DPP6: variants seen among roughly 807,000 people sequenced by gnomAD.
DPP6 encodes the protein dipeptidyl peptidase like 6.
In DPP6, 69 loss-of-function variants were observed where a neutral mutation model predicts 122.6. That is an observed-to-expected ratio of 0.56 (90% confidence interval 0.46 to 0.69). DPP6 has a LOEUF of 0.69. Ranked by LOEUF, DPP6 falls within the 30% of genes least tolerant of loss-of-function variation. The pLI, the probability that DPP6 is intolerant of heterozygous loss-of-function variation, is 0.00. For missense variants in DPP6, 928 were observed against 1,116.9 expected, an observed-to-expected ratio of 0.83 and a Z score of 2.41; for synonymous variants, 418 against 433.1, an observed-to-expected ratio of 0.97 and a Z score of 0.43.
chr7:153,810,949 C>T, the DPP6 span, among the ~76,000 whole-genome samples: 3 of 152,110 alleles, frequency 2.0e-5, no homozygotes, highest in African/African-American at 4.8e-5. Flanking sequence ...TCTATTAGTG[C>T]ATAGTTTAAA....
At chr7:154,090,964 CA>C (rs1194145271) in intron 1 of DPP6, among the ~76,000 whole-genome samples, 11 of 149,520 alleles carry the variant, frequency 7.4e-5, no homozygotes, top group East Asian at 2.0e-4. Flanking sequence ...ACTAAAAATA[CA>C]AAAAAATTAG....
At chr7:154,337,563 A>G (rs1450691821) in intron 1 of DPP6, among the ~76,000 whole-genome samples, 1 of 152,192 alleles carries the variant, frequency 6.6e-6, no homozygotes, top group African/African-American at 2.4e-5. Flanking sequence ...CTATCCTTGC[A>G]CCATCTGTCA....
intron 1 of DPP6, among the ~76,000 whole-genome samples, chr7:154,439,168 T>G (rs756584221): frequency 8.5e-5 from 13 of 152,170 alleles, no homozygotes; most frequent in South Asian, 8.3e-4. Flanking sequence ...TTTTTGACAT[T>G]GAGAAGTGAT....
intron 1 of DPP6, among the ~76,000 whole-genome samples, chr7:154,023,941 C>G (rs1365928826): frequency 6.6e-6 from 1 of 152,096 alleles, no homozygotes; most frequent in East Asian, 1.9e-4. Context: ...TTAGGGGTGC[C>G]CAACAGCTTA....
At chr7:154,156,741 A>T (rs1471230658) in intron 1 of DPP6, among the ~76,000 whole-genome samples, 7 of 152,202 alleles carry the variant, frequency 4.6e-5, no homozygotes, top group African/African-American at 1.7e-4. Context: ...TCAGATTTAG[A>T]CCTTGAATTT....
At chr7:154,730,628 G>T (rs1349904230) in intron 8 of DPP6, among the ~76,000 whole-genome samples, 1 of 152,136 alleles carries the variant, frequency 6.6e-6, no homozygotes, top group African/African-American at 2.4e-5. Flanking sequence ...AGATATCAAG[G>T]CAATGTTACC....
At chr7:154,550,812 G>A (rs147857240) in intron 4 of DPP6, among the ~76,000 whole-genome samples, 2,694 of 149,134 alleles carry the variant, frequency 0.018, 59 homozygotes, top group African/African-American at 0.046. Context: ...GTGCAATGGC[G>A]CGATCTCGGC....
intron 2 of DPP6, among the ~76,000 whole-genome samples, chr7:154,451,761 T>C (rs932285944): frequency 2.0e-5 from 3 of 152,344 alleles, no homozygotes; most frequent in Admixed American, 2.0e-4. Flanking sequence ...GAATTTGCTT[T>C]TCTTGTTCCA....
chr7:154,060,204 G>T (rs1339083677), intron 1 of DPP6, among the ~76,000 whole-genome samples: 3 of 145,438 alleles, frequency 2.1e-5, no homozygotes, highest in African/African-American at 7.8e-5. Context: ...GGGACTGAGA[G>T]CGAGCCCCTC....
intron 1 of DPP6, among the ~76,000 whole-genome samples, chr7:153,901,927 C>T (rs917878514): frequency 1.3e-5 from 2 of 152,212 alleles, no homozygotes; most frequent in Non-Finnish European, 2.9e-5. Context: ...GTTGAAGTTA[C>T]ACTAAGGTTT....
Position 154,599,166 on chromosome 7 carries a change from A to G in DPP6, c.627+32250A>G, listed in dbSNP as rs557583772. Among the ~76,000 whole-genome samples, 190 of 152,322 alleles carry G rather than the reference A, an allele frequency of 1.2e-3. No homozygotes were observed. The Middle Eastern group carries it at 0.014, about 11-fold the overall frequency. On this transcript the variant is annotated intron_variant, in intron 5 of 25. Coordinates refer to ENST00000377770, the MANE Select transcript of DPP6 (RefSeq NM_130797.4). ...CAAATAAATACAACCAAAGTCAACA[A>G]AAGAGCATATTGATGCTTTGGTAGA...
intron 1 of DPP6, among the ~76,000 whole-genome samples, chr7:153,912,253 T>G (rs191514119): frequency 3.5e-4 from 53 of 152,284 alleles, no homozygotes; most frequent in African/African-American, 1.3e-3. Context: ...TTGGATGAAA[T>G]TACTGAAACA....
chr7:154,673,949 C>G, intron 7 of DPP6, among the ~76,000 whole-genome samples: 1 of 151,666 alleles, frequency 6.6e-6, no homozygotes, highest in Non-Finnish European at 1.5e-5. Flanking sequence ...GATCTCTGCT[C>G]ACTCCAACCT....
chr7:154,556,555 A>G lies in DPP6; in HGVS notation c.553-10287A>G, dbSNP rs552941459. 4.4e-4 allele frequency among the ~76,000 whole-genome samples: 67 copies of G among 152,344 alleles called. 2 individuals carry two copies. The South Asian group carries it at 0.011, about 24-fold the overall frequency. On this transcript the variant is annotated intron_variant, in intron 4 of 25. Transcript: ENST00000377770. ...ATACACAAAATTACGTTCCAATTGG[A>G]TTAAAGCCTTAAATGTTTTTAAAAG...
In DPP6 at chr7:154,481,684, G is replaced by A. The variant is rs553673141; in HGVS notation, c.457+6647G>A. ...TTCCCCCAGAGTGGCTCTTACATAG[G>A]ATGTTCCTTCTGTCCAGCCCACTCG... On this transcript the variant is annotated intron_variant, in intron 3 of 25. Coordinates refer to ENST00000377770, the MANE Select transcript of DPP6 (RefSeq NM_130797.4). This position sits in a 1 kb window ranked among gnomAD's most constrained non-coding sequence, Gnocchi z 4.2. 6.6e-6 allele frequency among the ~76,000 whole-genome samples: 1 copy of A among 151,954 alleles called. No homozygotes were observed. The highest frequency in any genetic ancestry group is 1.5e-5 in the Non-Finnish European group (1 of 68,014).
Position 154,868,195 on chromosome 7 carries a change from C to G in DPP6, c.1813+102C>G, listed in dbSNP as rs1478172756. ...GCAGGTGCCCTGCAAGGAAGACTCC[C>G]CAAGCACGGGGGTGTATCTTTGCCC... is the stretch of plus-strand genomic sequence containing the variant. On this transcript the variant is annotated intron_variant, in intron 18 of 25. Transcript: ENST00000377770. 8 of 1,434,158 alleles carry G rather than the reference C, an allele frequency of 5.6e-6. No homozygotes were observed. The African/African-American group carries it at 1.1e-4, about 20-fold the overall frequency. The allele number at this position is 1,434,158 out of a possible 1,614,324, so 88.8% of individuals were successfully genotyped here. A position where few individuals can be genotyped will look rare whatever the true frequency, so the allele number is the denominator to read the frequency against.
chr7:154,591,992 G>T (rs557528531), intron 5 of DPP6, among the ~76,000 whole-genome samples: 2 of 152,200 alleles, frequency 1.3e-5, no homozygotes, highest in Non-Finnish European at 2.9e-5. Context: ...GAACAGGGGC[G>T]GCTACTGCAG....
chr7:154,827,314 C>T (rs1800237656), intron 16 of DPP6, among the ~76,000 whole-genome samples: 1 of 152,000 alleles, frequency 6.6e-6, no homozygotes, highest in Non-Finnish European at 1.5e-5. Flanking sequence ...CCTCTTCCTC[C>T]TCCCCTTTTC....
At chr7:153,997,361 T>C (rs1797492070) in intron 1 of DPP6, among the ~76,000 whole-genome samples, 1 of 152,174 alleles carries the variant, frequency 6.6e-6, no homozygotes. Context: ...CGCTATTTTA[T>C]TTTTAAATAT....
Sources: allele counts gnomAD v4.1 joint callset (sites outside exome capture counted in the v4.1 genomes callset), GRCh38; gene constraint gnomAD v4.1.1; non-coding constraint Gnocchi (gnomAD v3.1); transcripts MANE v1.5; gene names NCBI Gene and HGNC (gene_info 2026-07-23, HGNC 2026-07-21).